COPS7B: variants seen among roughly 807,000 people sequenced by gnomAD.
The protein encoded by COPS7B is COP9 signalosome complex subunit 7b.
Under a neutral mutation model 33.4 loss-of-function variants are expected in COPS7B, and 9 were observed. That is an observed-to-expected ratio of 0.27 (90% CI 0.16 to 0.47). The LOEUF (loss-of-function observed/expected upper bound fraction) is 0.47. Ranked by LOEUF, COPS7B falls within the 20% of genes least tolerant of loss-of-function variation. The pLI, the probability that COPS7B is intolerant of heterozygous loss-of-function variation, is 0.99. For synonymous variants in COPS7B, 119 were observed against 126.3 expected, an observed-to-expected ratio of 0.94 and a Z score of 0.39; for missense variants, 242 against 318.2, an observed-to-expected ratio of 0.76 and a Z score of 1.82.
At chr2:231,788,779 A>G in intron 2 of COPS7B, 47 bp downstream of exon 2, 1 of 1,509,626 alleles carries the variant, frequency 6.6e-7, no homozygotes, top group Non-Finnish European at 9.1e-7. Context: ...AGACTCTGTA[A>G]TTCTCCAGGT....
At chr2:231,784,882 G>A (rs1254025044), upstream of COPS7B, among the ~76,000 whole-genome samples, 2 of 152,112 alleles carry the variant, frequency 1.3e-5, no homozygotes, top group East Asian at 1.9e-4. Context: ...GCGCAATTTC[G>A]GCTCACTGCA....
At chr2:231,804,480 C>G (rs1322493373) in intron 6 of COPS7B, among the ~76,000 whole-genome samples, 1 of 152,138 alleles carries the variant, frequency 6.6e-6, no homozygotes, top group African/African-American at 2.4e-5. Flanking sequence ...ATCTCCTGAC[C>G]TCGTGATCTG....
upstream of COPS7B, among the ~76,000 whole-genome samples, chr2:231,784,311 TAAA>T (rs1174394894): frequency 7.0e-6 from 1 of 142,702 alleles, no homozygotes; most frequent in African/African-American, 2.6e-5. Flanking sequence ...ACCCCATCTT[TAAA>T]AAAAAAAAAA....
At position 231,797,095 on chromosome 2, in the gene COPS7B, A is replaced by G. The variant is rs560462117; in HGVS notation, c.530+787A>G. On this transcript the variant is annotated intron_variant, in intron 5 of 6. Coordinates refer to ENST00000350033, the MANE Select transcript of COPS7B (RefSeq NM_022730.4). ...TTAGAGTATACCTGGAGGTGAGGAG[A>G]GTGTGTTCCCAGGCAGGCACGTGGC... 3.9e-5 allele frequency among the ~76,000 whole-genome samples: 6 copies of G among 152,242 alleles called. No homozygotes were observed. In the East Asian group the frequency reaches 1.2e-3, roughly 29 times the overall value.
At chr2:231,796,006 C>G in intron 4 of COPS7B, 100 bp from the exon 5 acceptor site, 1 of 930,008 alleles carries the variant, frequency 1.1e-6, no homozygotes, top group Non-Finnish European at 1.7e-6. Context: ...GCCTGCGTTT[C>G]CCGAGCCTAG....
chr2:231,808,331 G>C lies in COPS7B; in HGVS notation c.*686G>C, dbSNP rs917153295. Reference sequence around the variant, plus strand: ...ACAGAGGGTGCTGTGGGTCTGCTGGGTGGCAGAAATGGTTCCTTCCGGCTT... The same window carrying C: ...ACAGAGGGTGCTGTGGGTCTGCTGGCTGGCAGAAATGGTTCCTTCCGGCTT... On this transcript the variant is annotated 3_prime_UTR_variant, in exon 7 of 7. Transcript: ENST00000350033. 1.4e-5 allele frequency: 6 copies of C among 423,354 alleles called. No homozygotes were observed. Among genetic ancestry groups the C allele is most frequent in the Non-Finnish European group, 2.4e-5 (5 of 204,126 alleles). 26.2% of individuals were successfully genotyped at this position (423,354 alleles called of 1,614,324 possible).
chr2:231,807,439 G>C, intron 6 of COPS7B, 48 bp from the exon 7 acceptor site: 1 of 1,525,354 alleles, frequency 6.6e-7, no homozygotes, highest in Non-Finnish European at 8.8e-7. Context: ...AGCAAGTTTT[G>C]GTGAGCACAT....
At chr2:231,796,388 C>G in intron 5 of COPS7B, 80 bp downstream of exon 5, 2 of 1,383,110 alleles carry the variant, frequency 1.4e-6, no homozygotes, top group South Asian at 2.5e-5. Context: ...CTGGTGTCAG[C>G]TGAGGGTTTG....
chr2:231,782,897 G>A (rs1332316323), upstream of COPS7B, among the ~76,000 whole-genome samples: 1 of 151,862 alleles, frequency 6.6e-6, no homozygotes, highest in Non-Finnish European at 1.5e-5. Context: ...CACCCCTGTC[G>A]CCACTACCCA....
chr2:231,793,660 T>C (rs2049484801), intron 3 of COPS7B: 1 of 152,272 alleles, frequency 6.6e-6, no homozygotes, highest in Non-Finnish European at 1.5e-5. Flanking sequence ...AATGATACTG[T>C]TCTCTTTCCC....
intron 3 of COPS7B, chr2:231,792,084 G>A (rs1268428497): frequency 1.6e-6 from 1 of 615,274 alleles, no homozygotes; most frequent in Non-Finnish European, 3.1e-6. Context: ...TGTTTGTAGG[G>A]CTCTTGGAGT....
chr2:231,788,948 A>G lies in COPS7B; in HGVS notation c.162+216A>G, dbSNP rs772363974. On this transcript the variant is annotated intron_variant, in intron 2 of 6. Coordinates refer to ENST00000350033, the MANE Select transcript of COPS7B (RefSeq NM_022730.4). ...CCTTGGGTAAAATTAGATTGTTGCT[A>G]ATAATAACCTAAAAGATAGTAAAAA... 4 of 477,346 alleles carry G rather than the reference A, an allele frequency of 8.4e-6. No homozygotes were observed. The East Asian group carries it at 1.1e-4, about 13-fold the overall frequency. 29.6% of individuals were successfully genotyped at this position (477,346 alleles called of 1,614,324 possible).
chr2:231,801,165 G>T, intron 6 of COPS7B: 2 of 1,550,470 alleles, frequency 1.3e-6, no homozygotes, highest in Non-Finnish European at 1.7e-6. Context: ...AGGGAAAAAC[G>T]TGATGTCCCC....
At chr2:231,782,512 C>T (rs1038318082), upstream of COPS7B, among the ~76,000 whole-genome samples, 2 of 152,200 alleles carry the variant, frequency 1.3e-5, no homozygotes, top group African/African-American at 4.8e-5. Context: ...CTCTGCCTGT[C>T]CCCACTTTCA....
At chr2:231,782,695 G>A (rs770131556), upstream of COPS7B, among the ~76,000 whole-genome samples, 13 of 152,206 alleles carry the variant, frequency 8.5e-5, no homozygotes, top group Non-Finnish European at 1.6e-4. Flanking sequence ...TCAAGATGGA[G>A]TGTGATAAAA....
Position 231,794,365 on chromosome 2 carries a change from C to T in COPS7B, c.327+14C>T. The T allele has an allele frequency of 1.2e-6, 2 of 1,606,346 alleles. No individual in the cohort carries two copies. The highest frequency in any genetic ancestry group is 8.5e-7 in the Non-Finnish European group (1 of 1,173,438). ...TCAAGAATGAAGGTACGGTACTGAGCCTTCTCTTGTCTTCCTCCTTACCCC... is the reference window on the plus strand; with the variant it reads ...TCAAGAATGAAGGTACGGTACTGAGTCTTCTCTTGTCTTCCTCCTTACCCC... On this transcript the variant is annotated intron_variant, in intron 4 of 6. Transcript: ENST00000350033.
At chr2:231,801,039 T>G in intron 6 of COPS7B, 1 of 918,346 alleles carries the variant, frequency 1.1e-6, no homozygotes, top group Non-Finnish European at 1.7e-6. Context: ...GATTCTGTCG[T>G]ATTCTGTTTG....
upstream of COPS7B, among the ~76,000 whole-genome samples, chr2:231,782,393 T>C (rs1221199275): frequency 6.6e-6 from 1 of 152,208 alleles, no homozygotes; most frequent in Non-Finnish European, 1.5e-5. Flanking sequence ...GTGTTTTGTT[T>C]TTTGCCACTC....
intron 3 of COPS7B, 23 bp downstream of exon 3, chr2:231,791,831 A>G (rs773275390): frequency 7.5e-6 from 12 of 1,594,024 alleles, no homozygotes; most frequent in Admixed American, 1.7e-5. Context: ...AGATCCTTCA[A>G]AAGACTTGTG....
Sources: allele counts gnomAD v4.1 joint callset (sites outside exome capture counted in the v4.1 genomes callset), GRCh38; gene constraint gnomAD v4.1.1; transcripts MANE v1.5; gene names NCBI Gene and HGNC (gene_info 2026-07-23, HGNC 2026-07-21).